The following NRG3 variants were observed in gnomAD, a reference collection of about 807,000 sequenced individuals.
NRG3 encodes the protein neuregulin 3.
A neutral mutation model predicts 66.9 loss-of-function variants in NRG3; 31 were observed. The observed-to-expected ratio is 0.46, with a 90% CI of 0.35 to 0.63. NRG3 has a LOEUF of 0.63. NRG3 is among the 20% of genes least tolerant of loss of function. The pLI is 0.00. For synonymous variants in NRG3, 393 were observed against 359.4 expected (o/e 1.09, Z -1.06); for missense variants, 910 against 878.9 (o/e 1.04, Z -0.45).
At chr10:82,398,197 C>T (rs1428092777) in intron 2 of NRG3, among the ~76,000 whole-genome samples, 1 of 152,112 alleles carries the variant, frequency 6.6e-6, no homozygotes, top group Non-Finnish European at 1.5e-5. Flanking sequence ...AGGCCAGACT[C>T]AGCAGCAGTA....
At chr10:82,195,831 A>G (rs1359132547) in intron 1 of NRG3, among the ~76,000 whole-genome samples, 1 of 152,232 alleles carries the variant, frequency 6.6e-6, no homozygotes, top group East Asian at 1.9e-4. Context: ...CAGCATGAAA[A>G]GGACTCGACT....
intron 2 of NRG3, among the ~76,000 whole-genome samples, chr10:82,445,972 A>T (rs1033458948): frequency 2.0e-5 from 3 of 152,204 alleles, no homozygotes; most frequent in African/African-American, 7.2e-5. Context: ...CAGATACTTA[A>T]ATGGGGATTA....
At chr10:82,390,030 C>T (rs1338703234) in intron 2 of NRG3, among the ~76,000 whole-genome samples, 1 of 152,128 alleles carries the variant, frequency 6.6e-6, no homozygotes, top group Admixed American at 6.5e-5. Flanking sequence ...AGTCACTTAA[C>T]CACACTGGTG....
intron 1 of NRG3, among the ~76,000 whole-genome samples, chr10:82,274,571 A>T (rs775050486): frequency 1.3e-5 from 2 of 152,048 alleles, no homozygotes; most frequent in African/African-American, 4.8e-5. Context: ...TTACAAAAAG[A>T]GACCAAGTCA....
Position 82,857,932 on chromosome 10 carries a change from T to C in NRG3, c.1028-7479T>C, listed in dbSNP as rs368566686. Among the ~76,000 whole-genome samples the C allele has an allele frequency of 1.4e-4, 22 of 152,292 alleles. No individual in the cohort carries two copies. In the East Asian group the frequency reaches 3.7e-3, roughly 25 times the overall value. Reference sequence around the variant, plus strand: ...TGAAGTGATAATATCCCTTTCTTTTTAGGACAGACATTCTAGGATTGAACA... The same window carrying C: ...TGAAGTGATAATATCCCTTTCTTTTCAGGACAGACATTCTAGGATTGAACA... On this transcript the variant is annotated intron_variant, in intron 3 of 8. Coordinates refer to ENST00000372141, the MANE Select transcript of NRG3 (RefSeq NM_001010848.4).
intron 1 of NRG3, among the ~76,000 whole-genome samples, chr10:82,207,339 G>GTGCAAAAAATATA (rs2075168959): frequency 1.3e-5 from 2 of 152,146 alleles, no homozygotes; most frequent in South Asian, 4.1e-4. Flanking sequence ...TTAGTGTTCA[G>GTGCAAAAAATATA]TAGTGAAGTG....
intron 2 of NRG3, among the ~76,000 whole-genome samples, chr10:82,623,434 G>T (rs2049181089): frequency 6.6e-6 from 1 of 152,142 alleles, no homozygotes; most frequent in African/African-American, 2.4e-5. Context: ...AATCAGATTT[G>T]CTCTCTGCCT....
Position 82,362,323 on chromosome 10 carries a change from G to GTA in NRG3, c.953+3465_953+3466dup, listed in dbSNP as rs533270151. ...TTTTCCTAAATTCAAAATATAATGT[G>GTA]TATATATATATGTGTGTGTGTGTGT... On this transcript the variant is annotated intron_variant, in intron 2 of 8. Transcript: ENST00000372141. 4.8e-4 allele frequency among the ~76,000 whole-genome samples: 69 copies of GTA among 143,324 alleles called. 1 individual carries two copies. Among genetic ancestry groups the GTA allele is most frequent in the South Asian group, 1.5e-3 (7 of 4,524 alleles). The allele number at this position is 143,324 out of a possible 152,430, so 94.0% of individuals were successfully genotyped here. A position where few individuals can be genotyped will look rare whatever the true frequency, so the allele number is the denominator to read the frequency against.
At chr10:82,624,699 G>GCATA (rs1281343628) in intron 2 of NRG3, among the ~76,000 whole-genome samples, 4 of 146,594 alleles carry the variant, frequency 2.7e-5, no homozygotes, top group Admixed American at 2.1e-4. Context: ...ATACACATAT[G>GCATA]CATACATATA....
intron 1 of NRG3, among the ~76,000 whole-genome samples, chr10:82,081,982 C>G (rs1210345537): frequency 6.6e-6 from 1 of 152,110 alleles, no homozygotes; most frequent in Non-Finnish European, 1.5e-5. Context: ...ATAGCTTGAG[C>G]CCATATCTAA....
rs566269464 is a variant in NRG3, at chr10:82,407,629, G to A, written c.953+48761G>A. ...GGATTTATGTCAACCCTAGATGTGCGTGGGTGGACAGCTGATCACTGTTAT... is the reference window on the plus strand; with the variant it reads ...GGATTTATGTCAACCCTAGATGTGCATGGGTGGACAGCTGATCACTGTTAT... On this transcript the variant is annotated intron_variant, in intron 2 of 8. Transcript: ENST00000372141. Among the ~76,000 whole-genome samples the A allele has an allele frequency of 4.6e-5, 7 of 152,268 alleles. No individual in the cohort carries two copies. In the South Asian group the frequency reaches 8.3e-4, roughly 18 times the overall value.
chr10:82,281,803 T>C (rs943474081), intron 1 of NRG3, among the ~76,000 whole-genome samples: 9 of 152,204 alleles, frequency 5.9e-5, no homozygotes, highest in African/African-American at 2.2e-4. Flanking sequence ...TGTATTTCCC[T>C]TGCCCCATGT....
intron 1 of NRG3, among the ~76,000 whole-genome samples, chr10:82,233,095 T>G (rs1371838677): frequency 6.6e-6 from 1 of 152,234 alleles, no homozygotes; most frequent in South Asian, 2.1e-4. Flanking sequence ...CTGTTCGCAG[T>G]GGCTCACGCC....
chr10:81,887,197 G>T (rs1842677386), intron 1 of NRG3, among the ~76,000 whole-genome samples: 1 of 152,170 alleles, frequency 6.6e-6, no homozygotes, highest in East Asian at 1.9e-4. Flanking sequence ...AAATGCAGAT[G>T]TGTAGAAGTG....
At chr10:82,651,694 A>G (rs538514174) in intron 2 of NRG3, among the ~76,000 whole-genome samples, 5 of 152,336 alleles carry the variant, frequency 3.3e-5, no homozygotes, top group South Asian at 4.1e-4. Flanking sequence ...GTCAATGTCT[A>G]GAGACATTTT....
intron 1 of NRG3, among the ~76,000 whole-genome samples, chr10:82,004,743 T>G (rs2061319379): frequency 6.6e-6 from 1 of 152,136 alleles, no homozygotes; most frequent in South Asian, 2.1e-4. Flanking sequence ...CCTAATCCAG[T>G]ATGATCAGAG....
intron 2 of NRG3, among the ~76,000 whole-genome samples, chr10:82,431,161 T>C (rs554537359): frequency 1.1e-4 from 16 of 152,116 alleles, no homozygotes; most frequent in Non-Finnish European, 1.9e-4. Context: ...GCCCTATGAA[T>C]AGGGCTTCTC....
chr10:82,343,460 C>A (rs1223174545), intron 1 of NRG3, among the ~76,000 whole-genome samples: 1 of 152,124 alleles, frequency 6.6e-6, no homozygotes, highest in African/African-American at 2.4e-5. Context: ...ATTAAAATGA[C>A]TGTACTGCCC....
intron 1 of NRG3, among the ~76,000 whole-genome samples, chr10:81,985,813 A>G (rs2133515006): frequency 6.6e-6 from 1 of 152,376 alleles, no homozygotes; most frequent in South Asian, 2.1e-4. Context: ...TGTGGGTCAC[A>G]ATTAGCCTTT....
Sources: gnomAD v4.1 joint callset for allele counts (sites outside exome capture counted in the v4.1 genomes callset) on GRCh38, gnomAD v4.1.1 for gene constraint, MANE v1.5 for transcripts, NCBI Gene and HGNC (gene_info 2026-07-23, HGNC 2026-07-21) for gene names.